EML5: variants seen among roughly 807,000 people sequenced by gnomAD.
EML5 encodes the protein EMAP like 5, also known as echinoderm microtubule-associated protein-like 5.
In EML5, 120 loss-of-function variants were observed where a neutral mutation model predicts 250.0. The observed-to-expected ratio is 0.48, with a 90% CI of 0.41 to 0.56. The LOEUF (loss-of-function observed/expected upper bound fraction) is 0.56, where lower values mean the gene tolerates loss of function less well. EML5 is among the 20% of genes least tolerant of loss of function. The pLI, the probability that EML5 is intolerant of heterozygous loss-of-function variation, is 0.00. For missense variants in EML5, 2,006 were observed against 2,437.6 expected (o/e 0.82, Z 3.73); for synonymous variants, 771 against 806.5 (o/e 0.96, Z 0.75).
rs375506792 is a variant in EML5 at position 88,643,011 on chromosome 14, C to T, written c.4119G>A (p.Leu1373=). Residue 1373 remains leucine, a synonymous_variant, in exon 31 of 44, where the codon TTG becomes TTA. Transcript: ENST00000554922. ...TGCCTCGATAACCAAAAATGAGCTC[C>T]AACACAAGGTCCTATAATGATAATA... ...KKKRPIEDLV[L]ELIFGYRGRD... 1.3e-6 allele frequency: 2 copies of T among 1,591,384 alleles called. No individual in the cohort carries two copies. The highest frequency in any genetic ancestry group is 1.7e-6 in the Non-Finnish European group (2 of 1,173,908).
rs576266275 is a variant in EML5, at chr14:88,693,464, C to T, written c.2539+843G>A. Among the ~76,000 whole-genome samples, 281 of 152,300 alleles carry T rather than the reference C, an allele frequency of 1.8e-3. 1 individual carries two copies. Among genetic ancestry groups the T allele is most frequent in the African/African-American group, 6.4e-3 (268 of 41,556 alleles). ...TGAGACGTATTCACTTCCACAAGAA[C>T]AGTATGGCGAACCGCCCCCATGATT... On this transcript the variant is annotated intron_variant, in intron 17 of 43. Transcript: ENST00000554922.
chr14:88,777,452 G>A (rs181475126), intron 1 of EML5, among the ~76,000 whole-genome samples: 1 of 152,164 alleles, frequency 6.6e-6, no homozygotes, highest in South Asian at 2.1e-4. Flanking sequence ...CAATCAGAAA[G>A]AAAAGGACAT....
intron 10 of EML5, among the ~76,000 whole-genome samples, chr14:88,710,155 T>C (rs560044514): frequency 6.6e-6 from 1 of 152,128 alleles, no homozygotes; most frequent in East Asian, 1.9e-4. Context: ...AGAGAGATTA[T>C]GGTCAAGAGC....
Position 88,640,287 on chromosome 14 carries a change from T to C in EML5, c.4238-1380A>G, listed in dbSNP as rs551808632. On this transcript the variant is annotated intron_variant, in intron 31 of 43. Transcript: ENST00000554922. ...TCTGCACATGAAACATACTCTAAGA[T>C]TGACCACATGTTCAGCCATAAAGCA... Among the ~76,000 whole-genome samples the C allele has an allele frequency of 1.1e-4, 16 of 152,296 alleles. No homozygotes were observed. The South Asian group carries it at 2.1e-3, about 20-fold the overall frequency.
intron 19 of EML5, among the ~76,000 whole-genome samples, chr14:88,686,697 A>T (rs2092840413): frequency 6.6e-6 from 1 of 152,066 alleles, no homozygotes; most frequent in Non-Finnish European, 1.5e-5. Flanking sequence ...TTTAGTCCCA[A>T]CTACTCAGGA....
intron 8 of EML5, among the ~76,000 whole-genome samples, chr14:88,722,579 CAG>C (rs2093606880): frequency 6.6e-6 from 1 of 151,292 alleles, no homozygotes. Context: ...ACTATGGACA[CAG>C]GGAGAGGAAA....
chr14:88,701,789 C>T (rs901868822), intron 14 of EML5, among the ~76,000 whole-genome samples: 4 of 152,136 alleles, frequency 2.6e-5, no homozygotes, highest in African/African-American at 7.2e-5. Flanking sequence ...TATTTAATTT[C>T]TCCAAACCTA....
At chr14:88,661,868 C>T in intron 24 of EML5, 38 bp from the exon 25 acceptor site, 2 of 1,570,740 alleles carry the variant, frequency 1.3e-6, no homozygotes, top group South Asian at 1.2e-5. Context: ...TTGGATTATC[C>T]AAACCTAAAG....
chr14:88,789,757 T>TA (rs1160902832), intron 1 of EML5, among the ~76,000 whole-genome samples: 4 of 152,064 alleles, frequency 2.6e-5, no homozygotes, highest in African/African-American at 7.2e-5. Context: ...AAGCAAATGA[T>TA]AGACTAGTCA....
chr14:88,766,120 C>A (rs1425954978), intron 1 of EML5, among the ~76,000 whole-genome samples: 1 of 152,134 alleles, frequency 6.6e-6, no homozygotes, highest in Non-Finnish European at 1.5e-5. Context: ...TCGTCATCTT[C>A]GTAAGCTGAG....
chr14:88,753,343 T>C (rs2094122415), intron 2 of EML5, among the ~76,000 whole-genome samples: 2 of 152,122 alleles, frequency 1.3e-5, no homozygotes, highest in African/African-American at 2.4e-5. Context: ...GAAAATCACA[T>C]TAACCTATGC....
chr14:88,751,736 T>C (rs557439127), intron 2 of EML5, among the ~76,000 whole-genome samples: 4 of 152,216 alleles, frequency 2.6e-5, no homozygotes, highest in Admixed American at 2.6e-4. Flanking sequence ...AGAACACTGA[T>C]ATTTAAGAAG....
At chr14:88,700,049 G>A (rs2093173292) in intron 14 of EML5, among the ~76,000 whole-genome samples, 3 of 152,104 alleles carry the variant, frequency 2.0e-5, no homozygotes, top group African/African-American at 7.2e-5. Context: ...GATAGTGGCA[G>A]CCAGTCTGAG....
intron 42 of EML5, chr14:88,616,509 C>G: frequency 1.7e-6 from 1 of 602,662 alleles, no homozygotes; most frequent in Non-Finnish European, 2.9e-6. Context: ...TGGTGAAAAG[C>G]TAATTACAGC....
intron 10 of EML5, 37 bp downstream of exon 10, chr14:88,712,232 TGA>T (rs1405194320): frequency 1.4e-6 from 2 of 1,413,060 alleles, no homozygotes; most frequent in Non-Finnish European, 2.0e-6. Context: ...AAGTCTTCTG[TGA>T]GAGAGAGGTT....
At chr14:88,758,993 G>A (rs941150710) in intron 1 of EML5, among the ~76,000 whole-genome samples, 11 of 152,194 alleles carry the variant, frequency 7.2e-5, no homozygotes, top group African/African-American at 2.7e-4. Flanking sequence ...GCCAGGTGCT[G>A]GAAGGAGAGG....
chr14:88,748,269 A>G (rs1376379535), intron 2 of EML5, among the ~76,000 whole-genome samples: 2 of 152,210 alleles, frequency 1.3e-5, no homozygotes, highest in Non-Finnish European at 2.9e-5. Context: ...TAGAAAAAGA[A>G]CAATTACTAG....
chr14:88,774,109 A>T (rs1440180221), intron 1 of EML5, among the ~76,000 whole-genome samples: 1 of 152,168 alleles, frequency 6.6e-6, no homozygotes, highest in East Asian at 1.9e-4. Context: ...CGAGAGCGAG[A>T]CTCTGTCTCA....
intron 21 of EML5, among the ~76,000 whole-genome samples, chr14:88,668,854 A>C (rs1420856700): frequency 6.6e-6 from 1 of 152,136 alleles, no homozygotes; most frequent in Admixed American, 6.5e-5. Flanking sequence ...AGAAACCCAG[A>C]GCAAAAAAGC....
Sources: allele counts gnomAD v4.1 joint callset (sites outside exome capture counted in the v4.1 genomes callset), GRCh38; gene constraint gnomAD v4.1.1; transcripts MANE v1.5; gene names NCBI Gene and HGNC (gene_info 2026-07-23, HGNC 2026-07-21).